The following ANKH variants were observed in gnomAD, a reference collection of about 807,000 sequenced individuals.
The protein encoded by ANKH is ANKH inorganic pyrophosphate transport regulator, also known as mineralization regulator ANKH.
Under a neutral mutation model 49.0 loss-of-function variants are expected in ANKH, and 15 were observed. That is an observed-to-expected ratio of 0.31 (90% CI 0.20 to 0.47). The LOEUF (loss-of-function observed/expected upper bound fraction) is 0.47. Ranked by LOEUF, ANKH falls within the 20% of genes least tolerant of loss-of-function variation. ANKH has a pLI of 1.00. For synonymous variants in ANKH, 273 were observed against 260.0 expected (o/e 1.05, Z -0.48); for missense variants, 429 against 652.0 (o/e 0.66, Z 3.72).
intron 1 of ANKH, among the ~76,000 whole-genome samples, chr5:14,782,560 TA>T (rs1739841084): frequency 6.6e-6 from 1 of 152,214 alleles, no homozygotes; most frequent in African/African-American, 2.4e-5. Flanking sequence ...CAGAGAGGAC[TA>T]GCTATCAGAT....
intron 8 of ANKH, among the ~76,000 whole-genome samples, chr5:14,724,814 AC>A (rs1428569730): frequency 6.6e-6 from 1 of 152,120 alleles, no homozygotes; most frequent in Admixed American, 6.5e-5. Context: ...GTCCTCGGAG[AC>A]CACCACCCTA....
intron 1 of ANKH, among the ~76,000 whole-genome samples, chr5:14,804,786 T>G (rs1299287413): frequency 1.3e-5 from 2 of 152,156 alleles, no homozygotes; most frequent in Non-Finnish European, 2.9e-5. Flanking sequence ...TCAAACAGGG[T>G]GAGACTGGAT....
rs529069059 is a variant in ANKH at position 14,709,897 on chromosome 5, A to G, written c.*1300T>C. 63 of 152,750 alleles carry G rather than the reference A, an allele frequency of 4.1e-4. No individual in the cohort carries two copies. Among genetic ancestry groups the G allele is most frequent in the Admixed American group, 5.9e-4 (9 of 15,306 alleles). 9.5% of individuals were successfully genotyped at this position (152,750 alleles called of 1,614,324 possible). A position where few individuals can be genotyped will look rare whatever the true frequency, so the allele number is the denominator to read the frequency against. ...AAATAAATTACATAACATATACAGC[A>G]TATATTTATATCTTTAAAATATTTT... On this transcript the variant is annotated 3_prime_UTR_variant, in exon 12 of 12. Transcript: ENST00000284268.
chr5:14,723,479 C>A (rs2126431202), intron 8 of ANKH, among the ~76,000 whole-genome samples: 1 of 151,692 alleles, frequency 6.6e-6, no homozygotes, highest in Admixed American at 6.6e-5. Context: ...CTGGACAACA[C>A]AAGACCCCAT....
chr5:14,716,921 G>C, intron 8 of ANKH, 86 bp from the exon 9 acceptor site: 1 of 1,559,694 alleles, frequency 6.4e-7, no homozygotes, highest in Non-Finnish European at 8.8e-7. Context: ...AATCCTTGGA[G>C]AGTTACGAAA....
At position 14,755,751 on chromosome 5, in the gene ANKH, A is replaced by G; in HGVS notation, c.516+110T>C. On this transcript the variant is annotated intron_variant, in intron 4 of 11. Transcript: ENST00000284268. ...GTGATGTAACGGTGCTGGCAAAACC[A>G]GGTCGAATGCAGAGTGTACTGCACA... 6 of 1,012,920 alleles carry G rather than the reference A, an allele frequency of 5.9e-6. No individual in the cohort carries two copies. The East Asian group carries it at 1.2e-4, about 21-fold the overall frequency. The allele number at this position is 1,012,920 out of a possible 1,614,324, so 62.7% of individuals were successfully genotyped here.
chr5:14,845,665 C>A (rs150737316), intron 1 of ANKH, among the ~76,000 whole-genome samples: 1 of 151,958 alleles, frequency 6.6e-6, no homozygotes, highest in Non-Finnish European at 1.5e-5. Context: ...GGGTGCTAGG[C>A]GGTGCCTAAT....
chr5:14,867,604 C>T (rs1735685280), intron 1 of ANKH, among the ~76,000 whole-genome samples: 1 of 151,814 alleles, frequency 6.6e-6, no homozygotes, highest in Non-Finnish European at 1.5e-5. Context: ...CCAGGCCGGA[C>T]TGCGGACTGC....
In ANKH at chr5:14,771,930, A is replaced by AC. The variant is rs547529021; in HGVS notation, c.97-2740_97-2739insG. Among the ~76,000 whole-genome samples, 109 of 115,496 alleles carry AC rather than the reference A, an allele frequency of 9.4e-4. 1 individual carries two copies. The East Asian group carries it at 0.026, about 28-fold the overall frequency. The allele number at this position is 115,496 out of a possible 152,430, so 75.8% of individuals were successfully genotyped here. ...CTGTGTCTCAAAAAAAGAAAAAAAAAAAAAAAAAAAAAAAAAACCAAAACA... is the reference window on the plus strand; with the variant it reads ...CTGTGTCTCAAAAAAAGAAAAAAAAACAAAAAAAAAAAAAAAAACCAAAACA... On this transcript the variant is annotated intron_variant, in intron 1 of 11. Transcript: ENST00000284268.
At chr5:14,828,702 A>G (rs1741419379) in intron 1 of ANKH, among the ~76,000 whole-genome samples, 1 of 152,190 alleles carries the variant, frequency 6.6e-6, no homozygotes, top group Non-Finnish European at 1.5e-5. Context: ...TTGTGAAAAT[A>G]TATTTAATGG....
At chr5:14,853,552 G>T (rs1240873300) in intron 1 of ANKH, among the ~76,000 whole-genome samples, 1 of 152,146 alleles carries the variant, frequency 6.6e-6, no homozygotes, top group East Asian at 1.9e-4. Flanking sequence ...ACTCCAGCCT[G>T]GGTGACAGAA....
intron 9 of ANKH, among the ~76,000 whole-genome samples, chr5:14,715,998 A>G (rs1737439325): frequency 6.6e-6 from 1 of 151,724 alleles, no homozygotes; most frequent in Non-Finnish European, 1.5e-5. Context: ...CGCTCACTCT[A>G]TTTTTCTTTT....
chr5:14,717,016 G>T, intron 8 of ANKH, 181 bp from the exon 9 acceptor site: 1 of 706,764 alleles, frequency 1.4e-6, no homozygotes, highest in Non-Finnish European at 2.4e-6. Flanking sequence ...GACCACAGAG[G>T]CCCTGGTCCA....
At chr5:14,806,709 G>T (rs1000644755) in intron 1 of ANKH, among the ~76,000 whole-genome samples, 5 of 152,190 alleles carry the variant, frequency 3.3e-5, no homozygotes, top group African/African-American at 1.2e-4. Context: ...TATTACGTGT[G>T]ATCTGTCCTT....
intron 1 of ANKH, among the ~76,000 whole-genome samples, chr5:14,814,379 C>T (rs1364717006): frequency 6.6e-6 from 1 of 152,146 alleles, no homozygotes; most frequent in Admixed American, 6.5e-5. Context: ...GGCAGGAGGA[C>T]TGTTTGAGCC....
intron 1 of ANKH, among the ~76,000 whole-genome samples, chr5:14,805,763 G>C (rs1442612249): frequency 6.6e-6 from 1 of 152,006 alleles, no homozygotes; most frequent in Non-Finnish European, 1.5e-5. Flanking sequence ...CCTGCAGATG[G>C]TTCCAACCCA....
At chr5:14,836,920 G>C (rs1741672191) in intron 1 of ANKH, among the ~76,000 whole-genome samples, 1 of 152,184 alleles carries the variant, frequency 6.6e-6, no homozygotes, top group Non-Finnish European at 1.5e-5. Context: ...CCAAAACAGA[G>C]ATATAGACCA....
At chr5:14,817,296 C>T (rs137913134) in intron 1 of ANKH, among the ~76,000 whole-genome samples, 49 of 151,628 alleles carry the variant, frequency 3.2e-4, no homozygotes, top group African/African-American at 1.0e-3. Context: ...CTATGTGTGA[C>T]GCTAAAACGC....
intron 1 of ANKH, among the ~76,000 whole-genome samples, chr5:14,774,312 CTGAA>C (rs1159126110): frequency 1.3e-5 from 2 of 152,178 alleles, no homozygotes; most frequent in East Asian, 3.8e-4. Flanking sequence ...TTTAATCTTC[CTGAA>C]ACTTATGAAG....
Sources: gnomAD v4.1 joint callset for allele counts (sites outside exome capture counted in the v4.1 genomes callset) on GRCh38, gnomAD v4.1.1 for gene constraint, MANE v1.5 for transcripts, NCBI Gene and HGNC (gene_info 2026-07-23, HGNC 2026-07-21) for gene names.